The following DDX10 variants were observed in gnomAD, a reference collection of about 807,000 sequenced individuals.
DDX10 encodes DEAD-box helicase 10.
A neutral mutation model predicts 104.3 loss-of-function variants in DDX10; 74 were observed. That is an observed-to-expected ratio of 0.71 (90% confidence interval 0.59 to 0.86). DDX10 has a LOEUF of 0.86. DDX10 is among the 40% of genes least tolerant of loss of function. DDX10 has a pLI of 0.00. For synonymous variants in DDX10, 351 were observed against 353.4 expected (o/e 0.99, Z 0.08); for missense variants, 952 against 1,040.0 (o/e 0.92, Z 1.16).
intron 13 of DDX10, among the ~76,000 whole-genome samples, chr11:108,825,333 T>A (rs1862381430): frequency 6.6e-6 from 1 of 152,192 alleles, no homozygotes; most frequent in South Asian, 2.1e-4. Flanking sequence ...TTGTTTTTCT[T>A]AAGATATTTA....
rs1015360438 is a variant in DDX10 at position 108,665,151 on chromosome 11, G to T, written c.-3G>T. 7 of 1,602,898 alleles carry T rather than the reference G, an allele frequency of 4.4e-6. No individual in the cohort carries two copies. The highest frequency in any genetic ancestry group is 6.0e-6 in the Non-Finnish European group (7 of 1,175,812). ...GATCCGAGCTGTCGCCGCCGCCGCC[G>T]CAATGGGCAAAACGGCCAACTCTCC... On this transcript the variant is annotated 5_prime_UTR_variant, in exon 1 of 18. Transcript: ENST00000322536.
At chr11:108,742,310 G>A (rs1049289103) in intron 13 of DDX10, among the ~76,000 whole-genome samples, 1 of 151,374 alleles carries the variant, frequency 6.6e-6, no homozygotes, top group African/African-American at 2.4e-5. Flanking sequence ...GCTCATGCCT[G>A]TAATCCCAGC....
intron 17 of DDX10, among the ~76,000 whole-genome samples, chr11:108,938,638 C>G (rs1245830484): frequency 5.9e-5 from 9 of 152,154 alleles, no homozygotes; most frequent in Non-Finnish European, 1.2e-4. Context: ...GAATTTGTAT[C>G]ACAGGGAACT....
intron 15 of DDX10, among the ~76,000 whole-genome samples, chr11:108,845,562 GGGTCTAGGGGAA>G (rs1862704752): frequency 6.6e-6 from 1 of 152,062 alleles, no homozygotes; most frequent in Non-Finnish European, 1.5e-5. Context: ...ACTGACAACA[GGGTCTAGGGGAA>G]GCTTTACTTC....
intron 9 of DDX10, 72 bp from the exon 10 acceptor site, chr11:108,706,667 A>G: frequency 3.4e-6 from 4 of 1,170,146 alleles, no homozygotes; most frequent in Non-Finnish European, 3.9e-6. Flanking sequence ...ATGTTTACCT[A>G]TGCATCACTC....
chr11:108,731,903 A>G (rs528852363), intron 13 of DDX10, among the ~76,000 whole-genome samples: 10 of 152,316 alleles, frequency 6.6e-5, no homozygotes, highest in African/African-American at 2.4e-4. Context: ...AAGACTAAGC[A>G]CTTTTCCAGA....
chr11:108,858,109 A>G (rs1053840245), intron 16 of DDX10, among the ~76,000 whole-genome samples: 2 of 152,186 alleles, frequency 1.3e-5, no homozygotes, highest in Admixed American at 6.5e-5. Context: ...TAAACATACC[A>G]TATTCTCATA....
chr11:108,770,327 TAAAC>T (rs2094361362), intron 13 of DDX10, among the ~76,000 whole-genome samples: 1 of 152,310 alleles, frequency 6.6e-6, no homozygotes, highest in Middle Eastern at 3.4e-3. Flanking sequence ...TATCTAAAAA[TAAAC>T]AATTACTATT....
chr11:108,905,483 T>C (rs1863584613), intron 16 of DDX10, among the ~76,000 whole-genome samples: 1 of 152,190 alleles, frequency 6.6e-6, no homozygotes, highest in African/African-American at 2.4e-5. Flanking sequence ...ACAGTACAAT[T>C]CACTGTTTGT....
intron 13 of DDX10, among the ~76,000 whole-genome samples, chr11:108,818,084 G>A (rs1206750954): frequency 6.6e-6 from 1 of 152,206 alleles, no homozygotes; most frequent in Non-Finnish European, 1.5e-5. Context: ...AAGCAACTCT[G>A]TGGAAACTGA....
chr11:108,713,618 G>A (rs1365218309), intron 10 of DDX10, among the ~76,000 whole-genome samples: 1 of 151,986 alleles, frequency 6.6e-6, no homozygotes, highest in Admixed American at 6.6e-5. Context: ...TTACATTTCT[G>A]GCCTAATGCT....
rs951711159 is a variant in DDX10, at chr11:108,860,421, A to G, written c.2304+8212A>G. 7.9e-5 allele frequency among the ~76,000 whole-genome samples: 12 copies of G among 152,296 alleles called. No individual in the cohort carries two copies. The South Asian group carries it at 2.1e-3, about 26-fold the overall frequency. On this transcript the variant is annotated intron_variant, in intron 16 of 17. Transcript: ENST00000322536. ...TCCTATACTGAAAAAGATTGAGAAC[A>G]CTGCCATATGGTATGTAAGCAGAAA...
At chr11:108,780,209 G>A (rs2726880) in intron 13 of DDX10, among the ~76,000 whole-genome samples, 132,916 of 152,162 alleles carry the variant, frequency 0.87, 58,564 homozygotes, top group East Asian at 0.99. Flanking sequence ...TGCTTTCTTT[G>A]AATAGATCTT....
chr11:108,858,273 C>T (rs1410334951), intron 16 of DDX10, among the ~76,000 whole-genome samples: 2 of 152,098 alleles, frequency 1.3e-5, no homozygotes, highest in Non-Finnish European at 2.9e-5. Context: ...CACCGGACTT[C>T]GTGTACATTA....
At chr11:108,771,291 C>T (rs2094362782) in intron 13 of DDX10, among the ~76,000 whole-genome samples, 1 of 152,058 alleles carries the variant, frequency 6.6e-6, no homozygotes, top group South Asian at 2.1e-4. Flanking sequence ...TATTTTCTCT[C>T]ATTCTGTGGG....
chr11:108,823,922 A>AT (rs1862360553), intron 13 of DDX10, among the ~76,000 whole-genome samples: 1 of 152,198 alleles, frequency 6.6e-6, no homozygotes, highest in African/African-American at 2.4e-5. Context: ...CTACTGGCAC[A>AT]TTCTTGCTGA....
At chr11:108,719,750 A>G in intron 11 of DDX10, 47 bp from the exon 12 acceptor site, 3 of 1,254,072 alleles carry the variant, frequency 2.4e-6, no homozygotes, top group African/African-American at 1.5e-5. Flanking sequence ...GTCTAAACTC[A>G]TTTTTAATTT....
At chr11:108,697,929 A>AT (rs201570760) in intron 9 of DDX10, among the ~76,000 whole-genome samples, 230 of 152,262 alleles carry the variant, frequency 1.5e-3, no homozygotes, top group Non-Finnish European at 1.9e-3. Flanking sequence ...ATATATAACT[A>AT]TTTTTTTCCC....
chr11:108,697,854 CAACTTTAA>C (rs1263646039), intron 9 of DDX10, among the ~76,000 whole-genome samples: 2 of 151,950 alleles, frequency 1.3e-5, no homozygotes, highest in Non-Finnish European at 2.9e-5. Flanking sequence ...CAGATATTCT[CAACTTTAA>C]AAAATGTTTT....
Sources: allele counts gnomAD v4.1 joint callset (sites outside exome capture counted in the v4.1 genomes callset), GRCh38; gene constraint gnomAD v4.1.1; transcripts MANE v1.5; gene names NCBI Gene and HGNC (gene_info 2026-07-23, HGNC 2026-07-21).